The following SORCS2 variants were observed in gnomAD, a reference collection of about 807,000 sequenced individuals.
The protein encoded by SORCS2 is VPS10 domain-containing receptor SorCS2.
Under a neutral mutation model 141.6 loss-of-function variants are expected in SORCS2, and 100 were observed. That is an observed-to-expected ratio of 0.71 (90% CI 0.60 to 0.83). The LOEUF (loss-of-function observed/expected upper bound fraction) is 0.83. Among genes scored for constraint, SORCS2 ranks in the 40% least tolerant of loss-of-function variants. The probability of loss-of-function intolerance (pLI) is 0.00; values close to 1 mark genes in which losing one functional copy is unlikely to be tolerated. For synonymous variants in SORCS2, 789 were observed against 676.9 expected (o/e 1.17, Z -2.57); for missense variants, 1,646 against 1,560.2 (o/e 1.05, Z -0.93).
At position 7,347,726 on chromosome 4, in the gene SORCS2, C is replaced by A. The variant is rs143091501; in HGVS notation, c.481-48562C>A. Among the ~76,000 whole-genome samples the A allele has an allele frequency of 2.4e-4, 37 of 152,274 alleles. No individual in the cohort carries two copies. In the East Asian group the frequency reaches 6.9e-3, roughly 29 times the overall value. On this transcript the variant is annotated intron_variant, in intron 1 of 26. Coordinates refer to ENST00000507866, the MANE Select transcript of SORCS2 (RefSeq NM_020777.3). ...ATATTAAACCACCATGTGTTTAAAC[C>A]ACAGTATCTCAAAGGAAAGGGGAAA... is the stretch of plus-strand genomic sequence containing the variant.
At chr4:7,281,881 C>T (rs568464047) in intron 1 of SORCS2, among the ~76,000 whole-genome samples, 103 of 152,286 alleles carry the variant, frequency 6.8e-4, no homozygotes, top group African/African-American at 2.2e-3. Context: ...AGATGAGTGC[C>T]GAGGGACCGC....
intron 3 of SORCS2, among the ~76,000 whole-genome samples, chr4:7,628,065 A>G (rs981584441): frequency 6.6e-6 from 1 of 152,234 alleles, no homozygotes; most frequent in Non-Finnish European, 1.5e-5. Context: ...TGTGCCTGTC[A>G]GCGGTCATGT....
chr4:7,205,727 A>G (rs986001031), intron 1 of SORCS2, among the ~76,000 whole-genome samples: 1 of 152,232 alleles, frequency 6.6e-6, no homozygotes, highest in Admixed American at 6.5e-5. Flanking sequence ...CAGCAGGCAG[A>G]GAGAATCAGG....
intron 2 of SORCS2, among the ~76,000 whole-genome samples, chr4:7,402,007 T>G (rs759415992): frequency 3.3e-5 from 5 of 152,188 alleles, no homozygotes; most frequent in African/African-American, 7.2e-5. Flanking sequence ...AAATAATCCA[T>G]CATTGCCTTC....
Position 7,550,132 on chromosome 4 carries a change from ATG to A in SORCS2, c.648+18531_648+18532del, listed in dbSNP as rs36213889. ...TCCGTGTGTGTGTGTGTATGTGTGT[ATG>A]TGTGTGTGTGTGTGTGTGTGTGTGT... is the stretch of plus-strand genomic sequence containing the variant. On this transcript the variant is annotated intron_variant, in intron 3 of 26. Transcript: ENST00000507866. Among the ~76,000 whole-genome samples, 934 of 142,226 alleles carry A rather than the reference ATG, an allele frequency of 6.6e-3. 10 individuals are homozygous for A. Among genetic ancestry groups the A allele is most frequent in the African/African-American group, 0.022 (809 of 37,314 alleles). 93.3% of individuals were successfully genotyped at this position (142,226 alleles called of 152,430 possible). A position where few individuals can be genotyped will look rare whatever the true frequency, so the allele number is the denominator to read the frequency against.
rs556742720 is a variant in SORCS2 at position 7,343,903 on chromosome 4, G to A, written c.481-52385G>A. Among the ~76,000 whole-genome samples the A allele has an allele frequency of 3.6e-4, 55 of 152,320 alleles. No individual in the cohort carries two copies. In the South Asian group the frequency reaches 0.011, roughly 31 times the overall value. On this transcript the variant is annotated intron_variant, in intron 1 of 26. Coordinates refer to ENST00000507866, the MANE Select transcript of SORCS2 (RefSeq NM_020777.3). ...GGCTTCCAGTTTCTGTGAGTGGCCC[G>A]AGGCCCTGCAGCTGGGAGGTGGCAG...
chr4:7,734,176 G>A, intron 24 of SORCS2, 96 bp from the exon 25 acceptor site: 1 of 871,626 alleles, frequency 1.1e-6, no homozygotes, highest in Admixed American at 2.2e-5. Context: ...GCGGGGGACA[G>A]GCTGGGGACG....
Position 7,278,356 on chromosome 4 carries a change from A to T in SORCS2, c.480+85230A>T, listed in dbSNP as rs552726271. On this transcript the variant is annotated intron_variant, in intron 1 of 26. Transcript: ENST00000507866. ...CGTGACGGGGTCTTCGTTCTTCTTC[A>T]TCATCAACTCCTCAGGCATCACAGG... Among the ~76,000 whole-genome samples, 10 of 152,176 alleles carry T rather than the reference A, an allele frequency of 6.6e-5. 1 individual carries two copies. The highest frequency in any genetic ancestry group is 2.1e-4 in the South Asian group (1 of 4,816).
chr4:7,494,054 C>G (rs1731467087), intron 2 of SORCS2, among the ~76,000 whole-genome samples: 1 of 151,872 alleles, frequency 6.6e-6, no homozygotes, highest in Non-Finnish European at 1.5e-5. Context: ...CATACACTCA[C>G]ATGCTCACAC....
chr4:7,599,468 C>T (rs536021639), intron 3 of SORCS2, among the ~76,000 whole-genome samples: 78 of 152,320 alleles, frequency 5.1e-4, no homozygotes, highest in Middle Eastern at 3.4e-3. Context: ...CATGCAGAGA[C>T]GGGTGGCCGC....
intron 1 of SORCS2, among the ~76,000 whole-genome samples, chr4:7,219,544 G>C (rs1358393579): frequency 6.6e-6 from 1 of 152,194 alleles, no homozygotes; most frequent in African/African-American, 2.4e-5. Context: ...GGAAACTTAC[G>C]ATCATGGTGG....
chr4:7,252,223 A>C (rs1577323270), intron 1 of SORCS2, among the ~76,000 whole-genome samples: 3 of 152,042 alleles, frequency 2.0e-5, no homozygotes, highest in Middle Eastern at 3.4e-3. Context: ...GAGGCAGGAG[A>C]GTGGGAGGGC....
intron 2 of SORCS2, among the ~76,000 whole-genome samples, chr4:7,397,069 C>A (rs996403568): frequency 4.6e-5 from 7 of 152,350 alleles, no homozygotes; most frequent in Non-Finnish European, 8.8e-5. Flanking sequence ...TCCATGTTCT[C>A]TGGGTGTGAA....
intron 1 of SORCS2, among the ~76,000 whole-genome samples, chr4:7,374,162 T>TCTTTCTTC (rs1722471837): frequency 6.8e-6 from 1 of 147,756 alleles, no homozygotes; most frequent in Non-Finnish European, 1.5e-5. Flanking sequence ...TTTCTTTCTT[T>TCTTTCTTC]CTTTCTTTCT....
At chr4:7,558,161 T>A (rs893792688) in intron 3 of SORCS2, among the ~76,000 whole-genome samples, 3 of 152,160 alleles carry the variant, frequency 2.0e-5, no homozygotes, top group African/African-American at 7.2e-5. Context: ...GGCCAAGGTG[T>A]CCAGAAACAC....
At position 7,586,758 on chromosome 4, in the gene SORCS2, C is replaced by T. The variant is rs147229161; in HGVS notation, c.649-51570C>T. 2.8e-3 allele frequency among the ~76,000 whole-genome samples: 431 copies of T among 152,274 alleles called. 1 individual carries two copies. The highest frequency in any genetic ancestry group is 9.7e-3 in the African/African-American group (405 of 41,542). On this transcript the variant is annotated intron_variant, in intron 3 of 26. Coordinates refer to ENST00000507866, the MANE Select transcript of SORCS2 (RefSeq NM_020777.3). ...GATGGGCATTTGGTTTGATTCCATGCCATGGACAATTTTAGTGCCACTTTT... is the reference window on the plus strand; with the variant it reads ...GATGGGCATTTGGTTTGATTCCATGTCATGGACAATTTTAGTGCCACTTTT...
chr4:7,570,525 G>A (rs1194053093), intron 3 of SORCS2, among the ~76,000 whole-genome samples: 1 of 152,224 alleles, frequency 6.6e-6, no homozygotes, highest in Non-Finnish European at 1.5e-5. Flanking sequence ...TGTTTTCAAA[G>A]GGAAGCCAAT....
At chr4:7,266,185 C>T (rs180931367) in intron 1 of SORCS2, among the ~76,000 whole-genome samples, 2 of 152,180 alleles carry the variant, frequency 1.3e-5, no homozygotes, top group African/African-American at 4.8e-5. Context: ...AAATCATGAG[C>T]TCCCTGGAGC....
chr4:7,476,648 C>G (rs953162459), intron 2 of SORCS2, among the ~76,000 whole-genome samples: 2 of 152,168 alleles, frequency 1.3e-5, no homozygotes, highest in Non-Finnish European at 2.9e-5. Context: ...AGGAACAGCA[C>G]TGGGCCAGCA....
Sources: gnomAD v4.1 joint callset for allele counts (sites outside exome capture counted in the v4.1 genomes callset) on GRCh38, gnomAD v4.1.1 for gene constraint, MANE v1.5 for transcripts, NCBI Gene and HGNC (gene_info 2026-07-23, HGNC 2026-07-21) for gene names.